The following CD8B2 variants were observed in gnomAD, a reference collection of about 807,000 sequenced individuals.
CD8B2 encodes the protein T-cell surface glycoprotein CD8 beta-2 chain.
A neutral mutation model predicts 23.7 loss-of-function variants in CD8B2; 11 were observed. That is an observed-to-expected ratio of 0.46 (90% confidence interval 0.29 to 0.77). The LOEUF is 0.77. CD8B2 is among the 30% of genes least tolerant of loss of function. The probability of loss-of-function intolerance (pLI) is 0.09; values close to 1 mark genes in which losing one functional copy is unlikely to be tolerated. For synonymous variants in CD8B2, 90 were observed against 109.3 expected, an observed-to-expected ratio of 0.82 and a Z score of 1.10; for missense variants, 197 against 270.5, an observed-to-expected ratio of 0.73 and a Z score of 1.91.
At chr2:106,504,527 A>C (rs2104558600) in intron 5 of CD8B2, among the ~76,000 whole-genome samples, 1 of 152,196 alleles carries the variant, frequency 6.6e-6, no homozygotes, top group East Asian at 1.9e-4. Context: ...TCAAGGCTGC[A>C]GTGAGCTATG....
chr2:106,526,797 G>A (rs1179610077), intron 5 of CD8B2, among the ~76,000 whole-genome samples: 4 of 152,078 alleles, frequency 2.6e-5, no homozygotes, highest in Non-Finnish European at 5.9e-5. Context: ...TTACAGGCAT[G>A]TGCCACCATA....
At chr2:106,517,738 G>A (rs1160407540) in intron 5 of CD8B2, among the ~76,000 whole-genome samples, 2 of 151,788 alleles carry the variant, frequency 1.3e-5, no homozygotes, top group Non-Finnish European at 2.9e-5. Flanking sequence ...TTTGAGACAG[G>A]GTGTCGCTCC....
intron 1 of CD8B2, among the ~76,000 whole-genome samples, chr2:106,490,138 GC>G (rs1369232131): frequency 2.0e-5 from 3 of 152,026 alleles, no homozygotes; most frequent in Non-Finnish European, 4.4e-5. Flanking sequence ...CACATGCTCT[GC>G]TGTGATTCTG....
At chr2:106,504,535 A>G (rs1679469675) in intron 5 of CD8B2, among the ~76,000 whole-genome samples, 1 of 152,176 alleles carries the variant, frequency 6.6e-6, no homozygotes, top group Admixed American at 6.5e-5. Flanking sequence ...GCAGTGAGCT[A>G]TGATGGTACC....
chr2:106,531,110 T>C (rs1311167548), intron 5 of CD8B2, among the ~76,000 whole-genome samples: 1 of 152,210 alleles, frequency 6.6e-6, no homozygotes, highest in East Asian at 1.9e-4. Context: ...ATTTCTTTCG[T>C]GAAATCCAAA....
chr2:106,497,205 G>A (rs888860338), intron 3 of CD8B2, among the ~76,000 whole-genome samples: 2 of 152,174 alleles, frequency 1.3e-5, no homozygotes, highest in Non-Finnish European at 2.9e-5. Flanking sequence ...CCTGGGAGGT[G>A]GAGATTGAAG....
chr2:106,523,303 C>G (rs1679856798), intron 5 of CD8B2, among the ~76,000 whole-genome samples: 1 of 152,114 alleles, frequency 6.6e-6, no homozygotes, highest in African/African-American at 2.4e-5. Flanking sequence ...TGTTCATTTC[C>G]TCTTTGAGCC....
chr2:106,504,695 C>T (rs1679472438), intron 5 of CD8B2, among the ~76,000 whole-genome samples: 1 of 152,158 alleles, frequency 6.6e-6, no homozygotes, highest in Non-Finnish European at 1.5e-5. Flanking sequence ...ATTTCAACAA[C>T]ATTCTTAGCT....
intron 2 of CD8B2, among the ~76,000 whole-genome samples, chr2:106,493,373 C>G (rs1679231871): frequency 6.6e-6 from 1 of 152,138 alleles, no homozygotes; most frequent in East Asian, 1.9e-4. Context: ...GGACCTGGCT[C>G]TAGGCAAGAA....
intron 5 of CD8B2, among the ~76,000 whole-genome samples, chr2:106,519,654 G>A (rs754381237): frequency 2.0e-5 from 3 of 152,172 alleles, no homozygotes; most frequent in Admixed American, 6.5e-5. Flanking sequence ...GAGAGCAGAA[G>A]TGCTTCCCCG....
chr2:106,499,843 AC>A (rs935217777), intron 3 of CD8B2, among the ~76,000 whole-genome samples: 31 of 140,548 alleles, frequency 2.2e-4, no homozygotes, highest in African/African-American at 7.5e-4. Context: ...TTCACTTAGC[AC>A]CATGTTTTGA....
At position 106,507,223 on chromosome 2, in the gene CD8B2, C is replaced by T. The variant is rs139556047; in HGVS notation, c.*283C>T. On this transcript the variant is annotated 3_prime_UTR_variant, in exon 6 of 6. Coordinates refer to ENST00000643224, the MANE Select transcript of CD8B2 (RefSeq NM_001349727.2). ...GAAATGCTGCCCATGCCACCGCTTC[C>T]GGCTCCTGTGCTTTCCCTGAGCTGG... The T allele has an allele frequency of 4.3e-4, 530 of 1,235,612 alleles. No individual in the cohort carries two copies. In the African/African-American group the frequency reaches 6.6e-3, roughly 15 times the overall value. 76.5% of individuals were successfully genotyped at this position (1,235,612 alleles called of 1,614,324 possible).
intron 2 of CD8B2, among the ~76,000 whole-genome samples, chr2:106,493,252 G>C (rs6732594): frequency 0.013 from 1,947 of 152,280 alleles, 35 homozygotes; most frequent in African/African-American, 0.044. Flanking sequence ...AAGTGTTTGG[G>C]GAGAGACAGG....
intron 5 of CD8B2, among the ~76,000 whole-genome samples, chr2:106,520,559 A>C (rs1361007862): frequency 1.3e-5 from 2 of 152,182 alleles, no homozygotes; most frequent in Non-Finnish European, 2.9e-5. Context: ...CATGCCAAGA[A>C]AATTAAGGAC....
downstream of CD8B2, among the ~76,000 whole-genome samples, chr2:106,511,986 AT>A (rs1679640350): frequency 6.6e-6 from 1 of 152,218 alleles, no homozygotes; most frequent in Non-Finnish European, 1.5e-5. Context: ...TGCTTTTCCC[AT>A]TAGTTTACTG....
intron 2 of CD8B2, among the ~76,000 whole-genome samples, chr2:106,495,154 G>A (rs1223203793): frequency 2.0e-5 from 3 of 152,040 alleles, no homozygotes; most frequent in Admixed American, 2.0e-4. Flanking sequence ...GAAGGAGGTG[G>A]CAGTTATCAT....
At chr2:106,513,928 G>C (rs1211387193), downstream of CD8B2, among the ~76,000 whole-genome samples, 2 of 152,170 alleles carry the variant, frequency 1.3e-5, no homozygotes, top group Non-Finnish European at 2.9e-5. Flanking sequence ...AAACAGGGAG[G>C]GAGGGTGGCT....
intron 3 of CD8B2, 98 bp downstream of exon 3, chr2:106,496,360 C>G (rs1180417025): frequency 7.0e-7 from 1 of 1,422,688 alleles, no homozygotes; most frequent in Non-Finnish European, 9.5e-7. Flanking sequence ...TTCCAAGTGT[C>G]AACTCTAGAG....
Position 106,496,187 on chromosome 2 carries a change from A to G in CD8B2, c.418A>G (p.Thr140Ala). The G allele has an allele frequency of 1.3e-6, 2 of 1,544,594 alleles. No homozygotes were observed. Among genetic ancestry groups the G allele is most frequent in the South Asian group, 2.4e-5 (2 of 83,582 alleles). Residue 140 changes from threonine to alanine, a missense_variant, in exon 3 of 6, where the codon ACC becomes GCC. Coordinates refer to ENST00000643224, the MANE Select transcript of CD8B2 (RefSeq NM_001349727.2). ...TCTTTCTGTAGTTGATTTCCTTCCC[A>G]CCACTGCCCAGCCCACCAAGAAGTC... Reference protein sequence around the residue: ...TQLSVVDFLPTTAQPTKKSTL... With the variant: ...TQLSVVDFLPATAQPTKKSTL...
Sources: allele counts gnomAD v4.1 joint callset (sites outside exome capture counted in the v4.1 genomes callset), GRCh38; gene constraint gnomAD v4.1.1; transcripts MANE v1.5; gene names NCBI Gene and HGNC (gene_info 2026-07-23, HGNC 2026-07-21).